Variants in ARMC9 observed in about 807,000 individuals in gnomAD.
ARMC9 encodes the protein lisH domain-containing protein ARMC9.
ARMC9 carries 94 observed loss-of-function variants against 107.0 expected under a neutral mutation model. The observed-to-expected ratio is 0.88, with a 90% CI of 0.74 to 1.04. The LOEUF is 1.04. Ranked by LOEUF, ARMC9 falls within the 50% of genes least tolerant of loss-of-function variation. The pLI, the probability that ARMC9 is intolerant of heterozygous loss-of-function variation, is 0.00. For synonymous variants in ARMC9, 380 were observed against 396.9 expected (o/e 0.96, Z 0.51); for missense variants, 942 against 1,030.1 (o/e 0.91, Z 1.17).
chr2:231,256,472 C>T, intron 9 of ARMC9, 114 bp from the exon 10 acceptor site: 2 of 1,412,480 alleles, frequency 1.4e-6, no homozygotes, highest in South Asian at 1.3e-5. Context: ...AAAAAAAAAC[C>T]CAAAAAACCT....
At chr2:231,318,104 T>C (rs1183705136) in intron 19 of ARMC9, among the ~76,000 whole-genome samples, 1 of 151,920 alleles carries the variant, frequency 6.6e-6, no homozygotes, top group East Asian at 1.9e-4. Context: ...ATAGATAACG[T>C]GTTGTCGTGA....
At chr2:231,279,516 T>C (rs1488779957) in intron 16 of ARMC9, among the ~76,000 whole-genome samples, 3 of 145,940 alleles carry the variant, frequency 2.1e-5, no homozygotes, top group Non-Finnish European at 3.0e-5. Context: ...TTTTTCTTTT[T>C]TTTTTTTTTT....
chr2:231,241,518 G>A (rs887971382), intron 9 of ARMC9, among the ~76,000 whole-genome samples: 2 of 152,152 alleles, frequency 1.3e-5, no homozygotes, highest in African/African-American at 2.4e-5. Context: ...AGGCTCCTGT[G>A]TGATCCTGAG....
At chr2:231,278,351 G>A (rs1179264802) in intron 15 of ARMC9, 31 bp from the exon 16 acceptor site, 7 of 1,609,790 alleles carry the variant, frequency 4.3e-6, no homozygotes, top group Non-Finnish European at 6.0e-6. Flanking sequence ...GTTTAGACAT[G>A]TCATGTTTAG....
chr2:231,206,877 CTG>C (rs1326216224), intron 2 of ARMC9, among the ~76,000 whole-genome samples: 10 of 152,260 alleles, frequency 6.6e-5, no homozygotes, highest in African/African-American at 2.4e-4. Flanking sequence ...TGCTGCTTAA[CTG>C]TGTGAGTAAC....
intron 9 of ARMC9, among the ~76,000 whole-genome samples, chr2:231,252,407 G>A (rs530598980): frequency 6.6e-5 from 10 of 152,100 alleles, no homozygotes; most frequent in Non-Finnish European, 1.0e-4. Flanking sequence ...CCGCCACCAT[G>A]CCCAGCTAAT....
chr2:231,204,034 G>A (rs921659710), intron 1 of ARMC9, among the ~76,000 whole-genome samples: 1 of 151,766 alleles, frequency 6.6e-6, no homozygotes, highest in Non-Finnish European at 1.5e-5. Flanking sequence ...AAGACTTGGG[G>A]CATAGTGGCA....
At chr2:231,317,743 G>T (rs2042783281) in intron 19 of ARMC9, among the ~76,000 whole-genome samples, 1 of 152,066 alleles carries the variant, frequency 6.6e-6, no homozygotes, top group South Asian at 2.1e-4. Flanking sequence ...CCAGTTAACT[G>T]ATTCTTTTAC....
intron 19 of ARMC9, among the ~76,000 whole-genome samples, chr2:231,323,973 C>T (rs939782561): frequency 3.9e-5 from 6 of 152,118 alleles, no homozygotes; most frequent in African/African-American, 1.4e-4. Context: ...CCTGGTTCTG[C>T]CCCAGGCCCC....
intron 14 of ARMC9, among the ~76,000 whole-genome samples, chr2:231,274,776 A>G (rs547087134): frequency 5.3e-5 from 8 of 152,124 alleles, no homozygotes; most frequent in Admixed American, 2.0e-4. Flanking sequence ...TGGTCTAAGC[A>G]TGTGTGTTTT....
intron 19 of ARMC9, among the ~76,000 whole-genome samples, chr2:231,314,747 A>G (rs1287482185): frequency 1.3e-5 from 2 of 152,050 alleles, no homozygotes; most frequent in Admixed American, 1.3e-4. Context: ...CATTGCAAAG[A>G]TTTTCTTTTA....
At chr2:231,349,781 T>TAA (rs201479708) in intron 21 of ARMC9, among the ~76,000 whole-genome samples, 11,967 of 151,198 alleles carry the variant, frequency 0.079, 1,397 homozygotes, top group African/African-American at 0.26. Flanking sequence ...ACCCCCAACT[T>TAA]AAAACAAAAA....
rs1402721006 is a variant in ARMC9, at chr2:231,370,118, C to A, written c.2427C>A (p.Gly809=). ...GCTCCACAGCGTCCTCCACAAGGGG[C>A]CTGCCGAGTAAGTCAGCCTGGGCCC... ...RPGSTASSTR[G]LPSSQSHRK Residue 809 remains glycine, a synonymous_variant, in exon 24 of 25, where the codon GGC becomes GGA. Coordinates refer to ENST00000611582, the MANE Select transcript of ARMC9 (RefSeq NM_001352754.2). 36 of 1,526,166 alleles carry A rather than the reference C, an allele frequency of 2.4e-5. No homozygotes were observed. The highest frequency in any genetic ancestry group is 3.2e-5 in the Non-Finnish European group (36 of 1,140,682). 94.5% of individuals were successfully genotyped at this position (1,526,166 alleles called of 1,614,324 possible). A position where few individuals can be genotyped will look rare whatever the true frequency, so the allele number is the denominator to read the frequency against.
intron 19 of ARMC9, among the ~76,000 whole-genome samples, chr2:231,325,702 A>G (rs2043276195): frequency 6.6e-6 from 1 of 152,178 alleles, no homozygotes; most frequent in Non-Finnish European, 1.5e-5. Flanking sequence ...GATCACTGAG[A>G]TGTTGTTATT....
At chr2:231,292,244 C>T (rs192800987) in intron 18 of ARMC9, among the ~76,000 whole-genome samples, 1 of 151,656 alleles carries the variant, frequency 6.6e-6, no homozygotes, top group African/African-American at 2.4e-5. Flanking sequence ...TTATCGTACT[C>T]TAGGCATATA....
intron 18 of ARMC9, chr2:231,295,502 TGTG>T (rs2041298476): frequency 6.6e-6 from 1 of 152,340 alleles, no homozygotes; most frequent in South Asian, 2.1e-4. Context: ...GCGCTTCCCT[TGTG>T]GTGTATTGTG....
intron 17 of ARMC9, among the ~76,000 whole-genome samples, chr2:231,285,387 T>A (rs950200856): frequency 1.9e-4 from 29 of 151,992 alleles, no homozygotes; most frequent in Non-Finnish European, 5.9e-5. Flanking sequence ...GGCTCATGCC[T>A]GTAATCCTAG....
At chr2:231,305,188 A>G (rs991472655) in intron 19 of ARMC9, among the ~76,000 whole-genome samples, 11 of 152,348 alleles carry the variant, frequency 7.2e-5, no homozygotes, top group Middle Eastern at 3.4e-3. Context: ...CCTGTCATCT[A>G]TCATCTATCA....
intron 20 of ARMC9, among the ~76,000 whole-genome samples, chr2:231,343,971 T>C (rs1047580980): frequency 5.3e-5 from 8 of 152,200 alleles, no homozygotes; most frequent in Admixed American, 4.6e-4. Context: ...TAAATAAATA[T>C]ATTTCTGCAT....
Sources: allele counts gnomAD v4.1 joint callset (sites outside exome capture counted in the v4.1 genomes callset), GRCh38; gene constraint gnomAD v4.1.1; transcripts MANE v1.5; gene names NCBI Gene and HGNC (gene_info 2026-07-23, HGNC 2026-07-21).